GALNTL5: variants seen among roughly 807,000 people sequenced by gnomAD.
GALNTL5 encodes the protein inactive polypeptide N-acetylgalactosaminyltransferase-like protein 5.
In GALNTL5, 44 loss-of-function variants were observed where a neutral mutation model predicts 51.0. That is an observed-to-expected ratio of 0.86 (90% CI 0.68 to 1.11). The LOEUF is 1.11. GALNTL5 is among the 50% of genes least tolerant of loss of function. GALNTL5 has a pLI of 0.00. For missense variants in GALNTL5, 528 were observed against 531.8 expected (o/e 0.99, Z 0.07); for synonymous variants, 192 against 182.8 (o/e 1.05, Z -0.41).
chr7:151,998,874 TA>T (rs549366544), intron 5 of GALNTL5, among the ~76,000 whole-genome samples: 35 of 151,442 alleles, frequency 2.3e-4, no homozygotes, highest in Non-Finnish European at 4.0e-4. Context: ...CACCAGCGAT[TA>T]AAAAAAAATT....
At chr7:152,011,003 A>G (rs1342747192) in intron 7 of GALNTL5, among the ~76,000 whole-genome samples, 7 of 152,182 alleles carry the variant, frequency 4.6e-5, no homozygotes, top group Non-Finnish European at 1.0e-4. Flanking sequence ...TAATCCTCCT[A>G]ACAAACCTGT....
chr7:151,978,385 G>C (rs4726123), intron 3 of GALNTL5, among the ~76,000 whole-genome samples: 62,490 of 151,640 alleles, frequency 0.41, 13,043 homozygotes, highest in Middle Eastern at 0.48. Context: ...GTCGTTGTAA[G>C]AGTGCCTGTG....
rs116502038 is a variant in GALNTL5 at position 151,964,912 on chromosome 7, G to A, written c.-39-2296G>A. Among the ~76,000 whole-genome samples the A allele has an allele frequency of 4.9e-3, 748 of 152,218 alleles. 2 individuals carry two copies. Among genetic ancestry groups the A allele is most frequent in the African/African-American group, 0.016 (671 of 41,526 alleles). ...CCTCAGACGTAGCAACCTGGCTGCC[G>A]GGATCCTGTGTGGGAGGAAGGGAAG... On this transcript the variant is annotated intron_variant, in intron 1 of 8. Coordinates refer to ENST00000392800, the MANE Select transcript of GALNTL5 (RefSeq NM_145292.4).
At chr7:151,971,217 C>A (rs1321365104) in intron 3 of GALNTL5, 152 bp downstream of exon 3, 1 of 608,302 alleles carries the variant, frequency 1.6e-6, no homozygotes. Flanking sequence ...GACTTGAAGT[C>A]AGATAATGTC....
chr7:151,975,699 T>C (rs997916240), intron 3 of GALNTL5, among the ~76,000 whole-genome samples: 2 of 152,160 alleles, frequency 1.3e-5, no homozygotes, highest in Non-Finnish European at 1.5e-5. Flanking sequence ...TAGGTGTTTA[T>C]TCCTATAATT....
At chr7:151,990,020 T>C (rs927057603) in intron 5 of GALNTL5, among the ~76,000 whole-genome samples, 2 of 151,994 alleles carry the variant, frequency 1.3e-5, no homozygotes, top group African/African-American at 4.8e-5. Context: ...TCCTCTGGGG[T>C]TGTCTTGTGT....
Position 151,967,475 on chromosome 7 carries a change from A to G in GALNTL5, c.229A>G (p.Lys77Glu). ...AATAGTCAAAAGGACTGATGAAGAT[A>G]AAGCAAAGTCTATGTTAGGTAAGTA... ...HVIVKRTDED[K>E]AKSMLGTDFN... is the part of the protein sequence containing the mutation. Residue 77 changes from lysine (K) to glutamate (E), a missense_variant, in exon 2 of 9, where the codon AAA (lysine) becomes GAA (glutamate). Coordinates refer to ENST00000392800, the MANE Select transcript of GALNTL5 (RefSeq NM_145292.4). The G allele has an allele frequency of 6.2e-7, 1 of 1,613,706 alleles. No homozygotes were observed. The highest frequency in any genetic ancestry group is 2.2e-5 in the East Asian group (1 of 44,872).
intron 5 of GALNTL5, among the ~76,000 whole-genome samples, chr7:151,996,794 T>A (rs74303091): frequency 6.8e-6 from 1 of 146,112 alleles, no homozygotes. Flanking sequence ...AACGTGTAGG[T>A]AAAAAAAAAA....
Position 151,967,473 on chromosome 7 carries a change from A to G in GALNTL5, c.227A>G (p.Asp76Gly), listed in dbSNP as rs1485211130. 48 of 1,613,742 alleles carry G rather than the reference A, an allele frequency of 3.0e-5. No homozygotes were observed. Among genetic ancestry groups the G allele is most frequent in the Non-Finnish European group, 4.0e-5 (47 of 1,179,768 alleles). The change falls in exon 2 of 9, where the codon GAT (aspartate) becomes GGT (glycine). Residue 76 changes from aspartate (D) to glycine (G), a missense_variant. Transcript: ENST00000392800. ...PHVIVKRTDE[D>G]KAKSMLGTDF... ...GTAATAGTCAAAAGGACTGATGAAGATAAAGCAAAGTCTATGTTAGGTAAG... is the reference window on the plus strand; with the variant it reads ...GTAATAGTCAAAAGGACTGATGAAGGTAAAGCAAAGTCTATGTTAGGTAAG...
chr7:152,005,601 A>G (rs758472344), intron 6 of GALNTL5, among the ~76,000 whole-genome samples: 2 of 152,142 alleles, frequency 1.3e-5, no homozygotes, highest in Non-Finnish European at 2.9e-5. Context: ...TGAGTCCCTT[A>G]TGAGATGGAT....
At position 151,984,999 on chromosome 7, in the gene GALNTL5, AT is replaced by A. The variant is rs1187836567; in HGVS notation, c.535+1850del. On this transcript the variant is annotated intron_variant, in intron 4 of 8. Transcript: ENST00000392800. ...TGGGTGGCTTAAACAACAAACATTT[AT>A]TTCTTAGAGTCCTGGAGGTTGGAAG... Among the ~76,000 whole-genome samples the A allele has an allele frequency of 3.9e-5, 6 of 152,200 alleles. No homozygotes were observed. In the East Asian group the frequency reaches 1.2e-3, roughly 29 times the overall value.
chr7:151,987,759 G>A (rs529878998), intron 5 of GALNTL5, among the ~76,000 whole-genome samples: 304 of 152,354 alleles, frequency 2.0e-3, no homozygotes, highest in African/African-American at 7.0e-3. Context: ...CTTCTGACCC[G>A]ACACACGTGG....
At chr7:151,995,347 A>ATTTTTTTTTTTTTTT (rs1563017632) in intron 5 of GALNTL5, 6 of 90,980 alleles carry the variant, frequency 6.6e-5, no homozygotes, top group Non-Finnish European at 6.6e-5. Context: ...AGTTGGTATG[A>ATTTTTTTTTTTTTTT]ATTTTTTTTT....
intron 3 of GALNTL5, among the ~76,000 whole-genome samples, chr7:151,977,514 T>C (rs2081221856): frequency 6.6e-6 from 1 of 152,194 alleles, no homozygotes; most frequent in Non-Finnish European, 1.5e-5. Flanking sequence ...AAAAAAAGTC[T>C]ATGTATGATT....
chr7:152,008,480 T>C (rs75574701), intron 7 of GALNTL5, among the ~76,000 whole-genome samples: 6,616 of 152,070 alleles, frequency 0.044, 469 homozygotes, highest in African/African-American at 0.15. Context: ...CAAATTAATA[T>C]AATATTTTAA....
intron 3 of GALNTL5, among the ~76,000 whole-genome samples, chr7:151,978,627 A>G (rs1204308403): frequency 6.6e-6 from 1 of 152,218 alleles, no homozygotes; most frequent in Non-Finnish European, 1.5e-5. Context: ...CTTAGACAAC[A>G]AAAATTATTC....
intron 3 of GALNTL5, among the ~76,000 whole-genome samples, chr7:151,976,128 T>G (rs1240882369): frequency 1.3e-5 from 2 of 152,202 alleles, no homozygotes; most frequent in Non-Finnish European, 2.9e-5. Context: ...CTTATTGATT[T>G]TCTGTCTGGA....
intron 3 of GALNTL5, among the ~76,000 whole-genome samples, chr7:151,973,058 T>C (rs2081164788): frequency 6.6e-6 from 1 of 152,140 alleles, no homozygotes; most frequent in Admixed American, 6.5e-5. Context: ...GGATGTACCC[T>C]GCAGAGCCAC....
At chr7:152,013,656 G>T (rs1224672757) in intron 7 of GALNTL5, among the ~76,000 whole-genome samples, 1 of 152,002 alleles carries the variant, frequency 6.6e-6, no homozygotes, top group Non-Finnish European at 1.5e-5. Context: ...GTTCTTTGGG[G>T]TATTATTTTT....
Sources: allele counts gnomAD v4.1 joint callset (sites outside exome capture counted in the v4.1 genomes callset), GRCh38; gene constraint gnomAD v4.1.1; transcripts MANE v1.5; gene names NCBI Gene and HGNC (gene_info 2026-07-23, HGNC 2026-07-21).